The following MTHFD2L variants were observed in gnomAD, a reference collection of about 807,000 sequenced individuals.
The protein encoded by MTHFD2L is bifunctional methylenetetrahydrofolate dehydrogenase/cyclohydrolase 2, mitochondrial.
MTHFD2L carries 29 observed loss-of-function variants against 34.9 expected under a neutral mutation model. That is an observed-to-expected ratio of 0.83 (90% CI 0.62 to 1.13). The LOEUF (loss-of-function observed/expected upper bound fraction) is 1.13, where lower values mean the gene tolerates loss of function less well. Among genes scored for constraint, MTHFD2L ranks in the 50% most tolerant of loss-of-function variants. The pLI, the probability that MTHFD2L is intolerant of heterozygous loss-of-function variation, is 0.00. For synonymous variants in MTHFD2L, 167 were observed against 155.7 expected (o/e 1.07, Z -0.54); for missense variants, 481 against 446.5 (o/e 1.08, Z -0.70).
At chr4:74,266,813 G>T in intron 6 of MTHFD2L, 1 of 981,192 alleles carries the variant, frequency 1.0e-6, no homozygotes, top group Non-Finnish European at 1.2e-6. Flanking sequence ...ATGCTTAAAG[G>T]TTGTAGGAGA....
At chr4:74,245,543 T>C (rs904178818) in intron 6 of MTHFD2L, among the ~76,000 whole-genome samples, 8 of 152,078 alleles carry the variant, frequency 5.3e-5, no homozygotes, top group Non-Finnish European at 1.0e-4. Flanking sequence ...TAGTTACATA[T>C]GTATACATGT....
At chr4:74,268,608 T>C (rs539445561) in intron 6 of MTHFD2L, among the ~76,000 whole-genome samples, 1 of 152,298 alleles carries the variant, frequency 6.6e-6, no homozygotes, top group African/African-American at 2.4e-5. Context: ...ATTAAAGTGA[T>C]GTGTAAATAT....
chr4:74,151,228 CATTA>C (rs1481186361), intron 1 of MTHFD2L, among the ~76,000 whole-genome samples: 2 of 152,122 alleles, frequency 1.3e-5, no homozygotes, highest in African/African-American at 2.4e-5. Context: ...CTGGTAGTCA[CATTA>C]ATTATCATGA....
At chr4:74,277,057 C>G (rs1746749111) in intron 6 of MTHFD2L, among the ~76,000 whole-genome samples, 2 of 151,822 alleles carry the variant, frequency 1.3e-5, no homozygotes, top group African/African-American at 4.8e-5. Context: ...GTCCAAACAC[C>G]ATGAGGACAG....
chr4:74,135,854 A>G (rs1194358602), intron 1 of MTHFD2L, among the ~76,000 whole-genome samples: 4 of 152,202 alleles, frequency 2.6e-5, no homozygotes, highest in Admixed American at 2.6e-4. Flanking sequence ...CGACATTAAC[A>G]GAATCGAGAA....
rs201200248 is a variant in MTHFD2L at position 74,297,771 on chromosome 4, CTT to C, written c.932-3924_932-3923del. Among the ~76,000 whole-genome samples, 144 of 152,180 alleles carry C rather than the reference CTT, an allele frequency of 9.5e-4. No individual in the cohort carries two copies. In the East Asian group the frequency reaches 0.021, roughly 23 times the overall value. ...CATCAAACATGAATAGAATTTAACTCTTTCTCACATGACTAATTTTAGCACAT... is the reference window on the plus strand; with the variant it reads ...CATCAAACATGAATAGAATTTAACTCTCTCACATGACTAATTTTAGCACAT... On this transcript the variant is annotated intron_variant, in intron 7 of 7. Coordinates refer to ENST00000325278, the MANE Select transcript of MTHFD2L (RefSeq NM_001144978.3).
intron 5 of MTHFD2L, among the ~76,000 whole-genome samples, chr4:74,206,250 T>G (rs151333849): frequency 6.6e-6 from 1 of 152,094 alleles, no homozygotes; most frequent in Admixed American, 6.5e-5. Flanking sequence ...AAAGAAGGCA[T>G]GTAAGAATTG....
intron 1 of MTHFD2L, among the ~76,000 whole-genome samples, chr4:74,159,195 G>T (rs1336079984): frequency 3.9e-5 from 6 of 152,118 alleles, no homozygotes; most frequent in Non-Finnish European, 7.4e-5. Flanking sequence ...TCTTAGTCTC[G>T]AGTGTCTGAA....
intron 1 of MTHFD2L, chr4:74,162,069 A>G (rs1304700310): frequency 2.6e-5 from 4 of 152,204 alleles, no homozygotes; most frequent in Admixed American, 2.6e-4. Flanking sequence ...TATGGTCAGA[A>G]CAGAACACAG....
At chr4:74,198,440 A>G (rs1210136708) in intron 3 of MTHFD2L, among the ~76,000 whole-genome samples, 1 of 152,160 alleles carries the variant, frequency 6.6e-6, no homozygotes, top group Non-Finnish European at 1.5e-5. Context: ...TTAGAAATAA[A>G]CTAATTTGAG....
intron 1 of MTHFD2L, 107 bp downstream of exon 1, chr4:74,158,388 C>A: frequency 2.3e-6 from 2 of 868,702 alleles, no homozygotes; most frequent in Non-Finnish European, 2.8e-6. Flanking sequence ...GGCGGCCGCG[C>A]GGCGGCGGGC....
chr4:74,208,836 C>T (rs572860705), intron 5 of MTHFD2L, among the ~76,000 whole-genome samples: 356 of 152,212 alleles, frequency 2.3e-3, no homozygotes, highest in African/African-American at 8.1e-3. Flanking sequence ...TGTCTCATTT[C>T]GCCCTCTAAA....
At position 74,158,192 on chromosome 4, in the gene MTHFD2L, G is replaced by T. The variant is rs1399161699; in HGVS notation, c.54G>T (p.Ala18=). ...FSLLRGRLGR[A]PALGRSTAPS... ...TGCTCCGCGGCCGCCTTGGCCGAGC[G>T]CCGGCGTTGGGCAGAAGCACAGCAC... Residue 18 remains alanine (A), a synonymous_variant, in exon 1 of 8, where the codon GCG becomes GCT. Coordinates refer to ENST00000325278, the MANE Select transcript of MTHFD2L (RefSeq NM_001144978.3). 2.0e-6 allele frequency: 3 copies of T among 1,525,580 alleles called. No individual in the cohort carries two copies. The highest frequency in any genetic ancestry group is 1.2e-5 in the South Asian group (1 of 80,440). The allele number at this position is 1,525,580 out of a possible 1,614,324, so 94.5% of individuals were successfully genotyped here. A position where few individuals can be genotyped will look rare whatever the true frequency, so the allele number is the denominator to read the frequency against.
chr4:74,204,357 G>A (rs1429363428), intron 5 of MTHFD2L, among the ~76,000 whole-genome samples: 3 of 152,158 alleles, frequency 2.0e-5, no homozygotes, highest in Non-Finnish European at 4.4e-5. Flanking sequence ...AGCTATTGGT[G>A]CATGTAGCTG....
At chr4:74,161,285 G>A (rs2109895706) in intron 1 of MTHFD2L, 1 of 152,242 alleles carries the variant, frequency 6.6e-6, no homozygotes, top group Non-Finnish European at 1.5e-5. Flanking sequence ...CATTTTATCA[G>A]TAACAATGTT....
chr4:74,214,520 T>C (rs1736870973), intron 5 of MTHFD2L, among the ~76,000 whole-genome samples: 1 of 151,782 alleles, frequency 6.6e-6, no homozygotes, highest in African/African-American at 2.4e-5. Context: ...CTTCTTTGCC[T>C]AGGTATCACC....
intron 7 of MTHFD2L, among the ~76,000 whole-genome samples, chr4:74,290,825 T>G (rs1205970797): frequency 6.6e-6 from 1 of 151,756 alleles, no homozygotes; most frequent in Non-Finnish European, 1.5e-5. Context: ...CTCATATGAA[T>G]CAACTTTAAA....
intron 6 of MTHFD2L, among the ~76,000 whole-genome samples, chr4:74,261,417 A>G (rs1744669393): frequency 6.6e-6 from 1 of 152,068 alleles, no homozygotes; most frequent in African/African-American, 2.4e-5. Flanking sequence ...GAATAAAACT[A>G]AACAGAAACA....
intron 5 of MTHFD2L, among the ~76,000 whole-genome samples, chr4:74,223,234 A>G (rs998767904): frequency 4.6e-5 from 7 of 152,028 alleles, no homozygotes; most frequent in Admixed American, 4.6e-4. Context: ...GTGTATATAT[A>G]CACACACACT....
Sources: allele counts gnomAD v4.1 joint callset (sites outside exome capture counted in the v4.1 genomes callset), GRCh38; gene constraint gnomAD v4.1.1; transcripts MANE v1.5; gene names NCBI Gene and HGNC (gene_info 2026-07-23, HGNC 2026-07-21).